Variants in DNM3 observed in about 807,000 individuals in gnomAD.
DNM3 encodes dynamin-3.
In DNM3, 47 loss-of-function variants were observed where a neutral mutation model predicts 101.6. The ratio of observed to expected loss-of-function variants is 0.46; its 90% CI spans 0.37 to 0.59. The LOEUF (loss-of-function observed/expected upper bound fraction) is 0.59. Ranked by LOEUF, DNM3 falls within the 20% of genes least tolerant of loss-of-function variation. DNM3 has a pLI of 0.00. For missense variants in DNM3, 849 were observed against 1,085.7 expected, an observed-to-expected ratio of 0.78 and a Z score of 3.06; for synonymous variants, 385 against 387.9, an observed-to-expected ratio of 0.99 and a Z score of 0.09.
At chr1:172,192,475 A>T (rs529500495) in intron 14 of DNM3, among the ~76,000 whole-genome samples, 12 of 147,588 alleles carry the variant, frequency 8.1e-5, no homozygotes, top group African/African-American at 2.5e-4. Context: ...CGCTGCACCC[A>T]CTAACTTGTC....
chr1:172,062,173 G>A (rs1572334437), intron 10 of DNM3, among the ~76,000 whole-genome samples: 1 of 152,210 alleles, frequency 6.6e-6, no homozygotes, highest in East Asian at 1.9e-4. Context: ...ACTTTCTGTT[G>A]TGAAGTTTTT....
intron 16 of DNM3, among the ~76,000 whole-genome samples, chr1:172,321,026 C>G (rs2065689295): frequency 6.6e-6 from 1 of 152,174 alleles, no homozygotes; most frequent in South Asian, 2.1e-4. Flanking sequence ...GTGAATCACC[C>G]TGGAACTTCA....
chr1:172,226,248 CAA>C (rs1210670317), intron 14 of DNM3, among the ~76,000 whole-genome samples: 2 of 152,128 alleles, frequency 1.3e-5, no homozygotes, highest in African/African-American at 4.8e-5. Flanking sequence ...AGACAAGTAT[CAA>C]AGTCTCCTCC....
chr1:172,123,738 G>A (rs189464097), intron 13 of DNM3, among the ~76,000 whole-genome samples: 1 of 152,318 alleles, frequency 6.6e-6, no homozygotes, highest in East Asian at 1.9e-4. Context: ...ACTGAGTGAG[G>A]AAACAACAAG....
chr1:171,863,211 A>G (rs989071428), intron 1 of DNM3, among the ~76,000 whole-genome samples: 26 of 152,136 alleles, frequency 1.7e-4, no homozygotes, highest in Non-Finnish European at 3.1e-4. Flanking sequence ...AGAAAAGCAG[A>G]AGAGAGAGGC....
chr1:172,399,488 C>T (rs2070293676), intron 20 of DNM3, among the ~76,000 whole-genome samples: 1 of 152,026 alleles, frequency 6.6e-6, no homozygotes, highest in Admixed American at 6.6e-5. Context: ...AGAGGAGGCT[C>T]GTGGAAGGGA....
intron 9 of DNM3, among the ~76,000 whole-genome samples, chr1:172,045,997 A>C (rs1021102142): frequency 2.6e-5 from 4 of 152,194 alleles, no homozygotes; most frequent in African/African-American, 7.2e-5. Context: ...GTCAGTGTGG[A>C]GATTCCTCAG....
chr1:172,232,069 G>C (rs569594387), intron 14 of DNM3, among the ~76,000 whole-genome samples: 9 of 152,074 alleles, frequency 5.9e-5, no homozygotes, highest in Admixed American at 2.6e-4. Context: ...TGGGCTAAAT[G>C]CTCCAATTAA....
chr1:171,952,796 T>C (rs2042612619), intron 2 of DNM3, among the ~76,000 whole-genome samples: 1 of 152,234 alleles, frequency 6.6e-6, no homozygotes, highest in Admixed American at 6.5e-5. Flanking sequence ...GCTTCTTTGC[T>C]TCTATAGAAA....
chr1:172,284,690 G>T (rs745475698), intron 15 of DNM3, among the ~76,000 whole-genome samples: 30 of 152,192 alleles, frequency 2.0e-4, no homozygotes, highest in Admixed American at 7.8e-4. Flanking sequence ...GAGACACTTG[G>T]CATGGAAGTC....
chr1:172,046,774 T>C (rs1247107398), intron 9 of DNM3, among the ~76,000 whole-genome samples: 1 of 152,170 alleles, frequency 6.6e-6, no homozygotes, highest in Non-Finnish European at 1.5e-5. Context: ...AGAAACTGTT[T>C]TGCTTTTTAG....
At chr1:171,882,183 A>C (rs533214201) in intron 1 of DNM3, among the ~76,000 whole-genome samples, 4 of 152,046 alleles carry the variant, frequency 2.6e-5, no homozygotes, top group Admixed American at 2.6e-4. Context: ...ATCTCTACTA[A>C]AAATACAAAA....
At position 171,959,333 on chromosome 1, in the gene DNM3, A is replaced by G. The variant is rs569311686; in HGVS notation, c.236-28323A>G. Among the ~76,000 whole-genome samples, 31 of 152,300 alleles carry G rather than the reference A, an allele frequency of 2.0e-4. 1 individual carries two copies. The South Asian group carries it at 4.8e-3, about 23-fold the overall frequency. On this transcript the variant is annotated intron_variant, in intron 2 of 20. Transcript: ENST00000627582. Reference sequence around the variant, plus strand: ...ATATTAAAAAGATAATAAGGGAAAAACAGATACATAAGTAGAAATAAGGGC... The same window carrying G: ...ATATTAAAAAGATAATAAGGGAAAAGCAGATACATAAGTAGAAATAAGGGC...
intron 14 of DNM3, among the ~76,000 whole-genome samples, chr1:172,134,583 A>G (rs1051497457): frequency 1.3e-5 from 2 of 152,198 alleles, no homozygotes; most frequent in Non-Finnish European, 2.9e-5. Context: ...AACACTTGTT[A>G]TGTACCAGGC....
intron 2 of DNM3, among the ~76,000 whole-genome samples, chr1:171,981,750 G>T (rs972452708): frequency 2.6e-5 from 4 of 152,080 alleles, no homozygotes; most frequent in African/African-American, 7.2e-5. Context: ...TTTTAACATT[G>T]TAAAAACAGA....
At chr1:171,869,106 T>G (rs903147663) in intron 1 of DNM3, among the ~76,000 whole-genome samples, 1 of 152,246 alleles carries the variant, frequency 6.6e-6, no homozygotes, top group African/African-American at 2.4e-5. Context: ...AAACTACAAT[T>G]GCAGAGCTAA....
chr1:171,897,448 A>G (rs567668957), intron 1 of DNM3, among the ~76,000 whole-genome samples: 5 of 152,162 alleles, frequency 3.3e-5, no homozygotes, highest in Admixed American at 6.5e-5. Flanking sequence ...ATTATCCTCT[A>G]CTCCACAAAT....
intron 18 of DNM3, among the ~76,000 whole-genome samples, chr1:172,383,733 G>A (rs2069043223): frequency 6.6e-6 from 1 of 152,154 alleles, no homozygotes; most frequent in Admixed American, 6.6e-5. Flanking sequence ...AAGGGTTAAA[G>A]TAAGAGAGGA....
chr1:172,067,449 G>T (rs2051774641), intron 10 of DNM3, among the ~76,000 whole-genome samples: 1 of 152,052 alleles, frequency 6.6e-6, no homozygotes, highest in African/African-American at 2.4e-5. Flanking sequence ...GGATCTGCTT[G>T]ATGTGGCCCC....
Sources: gnomAD v4.1 joint callset for allele counts (sites outside exome capture counted in the v4.1 genomes callset) on GRCh38, gnomAD v4.1.1 for gene constraint, MANE v1.5 for transcripts, NCBI Gene and HGNC (gene_info 2026-07-23, HGNC 2026-07-21) for gene names.